CCSER1: variants seen among roughly 807,000 people sequenced by gnomAD.
CCSER1 encodes the protein serine-rich coiled-coil domain-containing protein 1.
A neutral mutation model predicts 82.0 loss-of-function variants in CCSER1; 41 were observed. That is an observed-to-expected ratio of 0.50 (90% confidence interval 0.39 to 0.65). The LOEUF (loss-of-function observed/expected upper bound fraction) is 0.65. CCSER1 is among the 30% of genes least tolerant of loss of function. The pLI is 0.00. For missense variants in CCSER1, 1,119 were observed against 1,064.2 expected, an observed-to-expected ratio of 1.05 and a Z score of -0.72; for synonymous variants, 414 against 383.9, an observed-to-expected ratio of 1.08 and a Z score of -0.92.
intron 10 of CCSER1, among the ~76,000 whole-genome samples, chr4:91,271,843 C>G (rs371023440): frequency 6.6e-6 from 1 of 152,158 alleles, no homozygotes; most frequent in African/African-American, 2.4e-5. Context: ...CAACCTCTGC[C>G]TCCTGGGTTC....
At chr4:90,756,566 G>A (rs753091982) in intron 7 of CCSER1, among the ~76,000 whole-genome samples, 6 of 152,094 alleles carry the variant, frequency 3.9e-5, no homozygotes, top group Non-Finnish European at 7.4e-5. Context: ...TATATAATAT[G>A]TCTGATTATT....
intron 8 of CCSER1, among the ~76,000 whole-genome samples, chr4:90,844,143 G>A (rs560505952): frequency 6.7e-6 from 1 of 149,154 alleles, no homozygotes; most frequent in Admixed American, 6.7e-5. Flanking sequence ...CAGTGTGTGT[G>A]TGTGTTGTGT....
At chr4:91,425,204 C>T (rs1362845855) in intron 10 of CCSER1, among the ~76,000 whole-genome samples, 1 of 152,066 alleles carries the variant, frequency 6.6e-6, no homozygotes, top group African/African-American at 2.4e-5. Flanking sequence ...TTTGGGTGAA[C>T]ATCTTTTACC....
rs1580181447 is a variant in CCSER1 at position 90,728,773 on chromosome 4, A to G, written c.2010+4782A>G. The stretch of plus-strand genomic sequence containing the variant: ...TAGAGCCTGGATTCAGGAATTAGTA[A>G]TGTGTAGTAACACACAGTTTGCTCC... On this transcript the variant is annotated intron_variant, in intron 7 of 10. Coordinates refer to ENST00000509176, the MANE Select transcript of CCSER1 (RefSeq NM_001145065.2). 2.0e-5 allele frequency among the ~76,000 whole-genome samples: 3 copies of G among 152,316 alleles called. No homozygotes were observed. In the East Asian group the frequency reaches 5.8e-4, roughly 29 times the overall value.
At position 90,830,038 on chromosome 4, in the gene CCSER1, T is replaced by C. The variant is rs1760938840; in HGVS notation, c.2094+14193T>C. On this transcript the variant is annotated intron_variant, in intron 8 of 10. Transcript: ENST00000509176. ...AATTAACACTTCTAATGTTAGCCTG[T>C]GTGGACCATCAGGAGATTCTCTCCC... 4.6e-5 allele frequency among the ~76,000 whole-genome samples: 7 copies of C among 152,310 alleles called. No individual in the cohort carries two copies. The South Asian group carries it at 1.5e-3, about 32-fold the overall frequency.
chr4:91,575,773 C>T (rs866357183), intron 10 of CCSER1, among the ~76,000 whole-genome samples: 11 of 151,926 alleles, frequency 7.2e-5, no homozygotes, highest in Non-Finnish European at 1.2e-4. Context: ...CACTAATAAT[C>T]AGGGAATTGC....
intron 10 of CCSER1, among the ~76,000 whole-genome samples, chr4:91,229,444 C>G (rs1217659562): frequency 6.6e-6 from 1 of 151,820 alleles, no homozygotes; most frequent in African/African-American, 2.4e-5. Flanking sequence ...TAAACTTCTC[C>G]CAATGACATT....
intron 3 of CCSER1, among the ~76,000 whole-genome samples, chr4:90,367,496 A>G (rs1646509017): frequency 1.3e-5 from 2 of 151,948 alleles, no homozygotes; most frequent in South Asian, 4.2e-4. Context: ...TTAGCTAGCC[A>G]TATTTTGTCT....
chr4:90,323,148 C>G lies in CCSER1; in HGVS notation c.1509+10101C>G, dbSNP rs545330311. 2.0e-4 allele frequency among the ~76,000 whole-genome samples: 30 copies of G among 152,228 alleles called. No homozygotes were observed. The South Asian group carries it at 6.2e-3, about 32-fold the overall frequency. On this transcript the variant is annotated intron_variant, in intron 3 of 10. Transcript: ENST00000509176. The stretch of plus-strand genomic sequence containing the variant: ...TGGTTACCAGTTGCAAGACAAAATC[C>G]TCTGTACTCCTCCCTCTCCTTTCCT...
chr4:91,199,659 T>G (rs947829310), intron 10 of CCSER1, among the ~76,000 whole-genome samples: 3 of 152,060 alleles, frequency 2.0e-5, no homozygotes, highest in African/African-American at 7.2e-5. Context: ...GGTGCTTCTA[T>G]AGAAAGAGTT....
chr4:91,335,578 T>C (rs1252190392), intron 10 of CCSER1, among the ~76,000 whole-genome samples: 1 of 152,114 alleles, frequency 6.6e-6, no homozygotes, highest in Non-Finnish European at 1.5e-5. Flanking sequence ...GGAAATTCTT[T>C]CCCTTTTCTG....
chr4:90,825,567 G>T (rs1308696304), intron 8 of CCSER1, among the ~76,000 whole-genome samples: 1 of 152,036 alleles, frequency 6.6e-6, no homozygotes, highest in African/African-American at 2.4e-5. Context: ...GTGTGTAACT[G>T]GGCCGTCAAA....
At chr4:91,021,087 C>CTATATAG (rs1561477381) in intron 9 of CCSER1, among the ~76,000 whole-genome samples, 1 of 152,048 alleles carries the variant, frequency 6.6e-6, no homozygotes, top group Non-Finnish European at 1.5e-5. Flanking sequence ...AATTAAATCC[C>CTATATAG]TATATAGATA....
chr4:90,326,212 C>T (rs546687657), intron 3 of CCSER1, among the ~76,000 whole-genome samples: 2 of 151,984 alleles, frequency 1.3e-5, no homozygotes, highest in Non-Finnish European at 1.5e-5. Context: ...GCACCTGCCA[C>T]CACGCCCGGC....
intron 10 of CCSER1, among the ~76,000 whole-genome samples, chr4:91,178,217 T>A (rs572775031): frequency 6.6e-6 from 1 of 152,198 alleles, no homozygotes; most frequent in East Asian, 1.9e-4. Context: ...TGCTGAGGAG[T>A]GCTTTACCTC....
At chr4:90,888,592 A>T (rs564949181) in intron 8 of CCSER1, among the ~76,000 whole-genome samples, 10 of 152,302 alleles carry the variant, frequency 6.6e-5, no homozygotes, top group Admixed American at 2.0e-4. Flanking sequence ...AAACAATACC[A>T]GTATTTTAAC....
chr4:91,572,822 AAAAG>A (rs966044952), intron 10 of CCSER1, among the ~76,000 whole-genome samples: 1 of 151,950 alleles, frequency 6.6e-6, no homozygotes, highest in African/African-American at 2.4e-5. Flanking sequence ...AAAAAAAAAA[AAAAG>A]AAGAAGCCTG....
chr4:90,408,143 G>A (rs532275252), intron 4 of CCSER1, among the ~76,000 whole-genome samples: 7 of 152,292 alleles, frequency 4.6e-5, no homozygotes, highest in Admixed American at 2.6e-4. Flanking sequence ...TGGGAAGCTC[G>A]AACTAGGTAG....
At chr4:91,283,468 G>T (rs1743064291) in intron 10 of CCSER1, among the ~76,000 whole-genome samples, 1 of 152,000 alleles carries the variant, frequency 6.6e-6, no homozygotes, top group Non-Finnish European at 1.5e-5. Flanking sequence ...CTAAGGAATT[G>T]GTGCAAGGGA....
Sources: gnomAD v4.1 joint callset for allele counts (sites outside exome capture counted in the v4.1 genomes callset) on GRCh38, gnomAD v4.1.1 for gene constraint, MANE v1.5 for transcripts, NCBI Gene and HGNC (gene_info 2026-07-23, HGNC 2026-07-21) for gene names.